ZNF423: variants seen among roughly 807,000 people sequenced by gnomAD.
ZNF423 encodes the protein Ebf-associated zinc finger protein.
A neutral mutation model predicts 95.8 loss-of-function variants in ZNF423; 12 were observed. That is an observed-to-expected ratio of 0.13 (90% CI 0.08 to 0.20). The LOEUF (loss-of-function observed/expected upper bound fraction) is 0.20. ZNF423 is among the 10% of genes least tolerant of loss of function. ZNF423 has a pLI of 1.00. For synonymous variants in ZNF423, 749 were observed against 711.9 expected (o/e 1.05, Z -0.83); for missense variants, 1,316 against 1,737.1 (o/e 0.76, Z 4.31).
At chr16:49,852,551 G>T (rs1400379886) in intron 1 of ZNF423, among the ~76,000 whole-genome samples, 1 of 152,020 alleles carries the variant, frequency 6.6e-6, no homozygotes, top group Non-Finnish European at 1.5e-5. Context: ...GATGAGAACA[G>T]CCCGGGAAAA....
In ZNF423 at chr16:49,636,609, A is replaced by G. The variant is rs1596759188; in HGVS notation, c.2567T>C (p.Met856Thr). Residue 856 changes from methionine (M) to threonine (T), a missense_variant, in exon 4 of 8, where the codon ATG becomes ACG. By Grantham distance (81) the Met-to-Thr change is moderately conservative. Around this residue, in one of 6 missense-constraint regions of ZNF423, gnomAD observed 620 missense variants for 775.6 expected, o/e 0.80. Transcript: ENST00000563137. The surrounding 1 kb of genome is among the most constrained non-coding windows in gnomAD (Gnocchi z 8.6). Reference sequence around the variant, plus strand: ...AGCAGGCTCAGCTTTCTTGGTGGCCATTGGGGGTACCCCATTGGCCGTGCC... The same window carrying G: ...AGCAGGCTCAGCTTTCTTGGTGGCCGTTGGGGGTACCCCATTGGCCGTGCC... ...ENGTANGVPP[M>T]ATKKAEPADL... is the part of the protein sequence containing the mutation. 1.2e-6 allele frequency: 2 copies of G among 1,613,646 alleles called. No homozygotes were observed. Among genetic ancestry groups the G allele is most frequent in the Middle Eastern group, 1.7e-4 (1 of 6,058 alleles).
chr16:49,744,462 G>C (rs1053980840), intron 2 of ZNF423, among the ~76,000 whole-genome samples: 2 of 151,406 alleles, frequency 1.3e-5, no homozygotes, highest in African/African-American at 4.9e-5. Flanking sequence ...CACATGGCCA[G>C]GTGGGGTGTC....
intron 1 of ZNF423, among the ~76,000 whole-genome samples, chr16:49,820,721 C>T (rs182270185): frequency 7.2e-5 from 11 of 152,268 alleles, no homozygotes; most frequent in Admixed American, 3.9e-4. Flanking sequence ...TTAAGAATCT[C>T]GTTTCATTCT....
intron 5 of ZNF423, among the ~76,000 whole-genome samples, chr16:49,597,210 C>T (rs1487859599): frequency 2.0e-5 from 3 of 152,024 alleles, no homozygotes; most frequent in African/African-American, 7.2e-5. Flanking sequence ...AGGGGAAGAT[C>T]AGCCCACAGC....
At chr16:49,755,386 C>T (rs1345857354) in intron 2 of ZNF423, among the ~76,000 whole-genome samples, 2 of 152,200 alleles carry the variant, frequency 1.3e-5, no homozygotes, top group African/African-American at 2.4e-5. Flanking sequence ...TTCCTCCAAA[C>T]CACCTTAATT....
At chr16:49,546,448 T>G (rs1334477441) in intron 5 of ZNF423, among the ~76,000 whole-genome samples, 2 of 152,206 alleles carry the variant, frequency 1.3e-5, no homozygotes, top group East Asian at 1.9e-4. Flanking sequence ...GAGGTAGGAT[T>G]TGATAACTCA....
intron 3 of ZNF423, among the ~76,000 whole-genome samples, chr16:49,662,135 C>T (rs2030268999): frequency 6.6e-6 from 1 of 152,206 alleles, no homozygotes; most frequent in African/African-American, 2.4e-5. Flanking sequence ...TTCTCGCGGG[C>T]ATCCCCAATT....
chr16:49,738,298 G>T (rs2033336049), intron 2 of ZNF423, among the ~76,000 whole-genome samples: 1 of 152,174 alleles, frequency 6.6e-6, no homozygotes, highest in South Asian at 2.1e-4. Flanking sequence ...ATGAATAAAT[G>T]AATGCCCAAG....
intron 3 of ZNF423, among the ~76,000 whole-genome samples, chr16:49,695,242 T>C (rs1300775087): frequency 6.6e-6 from 1 of 152,226 alleles, no homozygotes; most frequent in Non-Finnish European, 1.5e-5. Flanking sequence ...ACCTCCCAAG[T>C]AGCTGGCATT....
At chr16:49,843,827 G>A (rs2035215956) in intron 1 of ZNF423, among the ~76,000 whole-genome samples, 2 of 151,754 alleles carry the variant, frequency 1.3e-5, no homozygotes, top group South Asian at 4.2e-4. Flanking sequence ...CTGTTCCTAG[G>A]GCAGACCACC....
chr16:49,672,643 C>G (rs1232333334), intron 3 of ZNF423, among the ~76,000 whole-genome samples: 1 of 152,146 alleles, frequency 6.6e-6, no homozygotes, highest in South Asian at 2.1e-4. Context: ...ATGGCGAAAC[C>G]TGTCTCTACT....
chr16:49,660,270 T>C (rs1337830232), intron 3 of ZNF423, among the ~76,000 whole-genome samples: 1 of 152,116 alleles, frequency 6.6e-6, no homozygotes, highest in East Asian at 1.9e-4. Context: ...AACTGTGGCA[T>C]GAATAAATGA....
intron 5 of ZNF423, among the ~76,000 whole-genome samples, chr16:49,617,602 T>C (rs1234239684): frequency 6.6e-6 from 1 of 152,132 alleles, no homozygotes; most frequent in African/African-American, 2.4e-5. Flanking sequence ...CCATCCTTCC[T>C]CTTCCCCTCC....
At chr16:49,718,458 C>T (rs1284078647) in intron 3 of ZNF423, among the ~76,000 whole-genome samples, 1 of 152,116 alleles carries the variant, frequency 6.6e-6, no homozygotes, top group Non-Finnish European at 1.5e-5. Flanking sequence ...TGCTGTGGTT[C>T]TAAGGAACAC....
intron 3 of ZNF423, among the ~76,000 whole-genome samples, chr16:49,688,998 T>A (rs1034002532): frequency 6.6e-6 from 1 of 152,294 alleles, no homozygotes; most frequent in East Asian, 1.9e-4. Context: ...CGAGACAGCA[T>A]ACCAGGCACC....
In ZNF423 at chr16:49,638,477, A is replaced by G; in HGVS notation, c.699T>C (p.Thr233=). 6.2e-7 allele frequency: 1 copy of G among 1,613,766 alleles called. No individual in the cohort carries two copies. The part of the protein sequence containing the change: ...THSSSKPFKC[T]VCKRGFSSTS... Reference sequence around the variant, plus strand: ...TGGAGGAGAAGCCGCGCTTGCACACAGTGCACTTGAAGGGCTTGCTGGAGC... The same window carrying G: ...TGGAGGAGAAGCCGCGCTTGCACACGGTGCACTTGAAGGGCTTGCTGGAGC... Residue 233 remains threonine (T), a synonymous_variant, in exon 4 of 8, where the codon ACT becomes ACC. Transcript: ENST00000563137. The surrounding 1 kb of genome is among the most constrained non-coding windows in gnomAD (Gnocchi z 5.6).
At chr16:49,837,363 C>T (rs1461484912) in intron 1 of ZNF423, among the ~76,000 whole-genome samples, 1 of 152,178 alleles carries the variant, frequency 6.6e-6, no homozygotes, top group Admixed American at 6.5e-5. Context: ...GACAACCCCT[C>T]CCCAGACCCC....
intron 7 of ZNF423, among the ~76,000 whole-genome samples, chr16:49,499,467 C>G (rs1349548715): frequency 1.3e-5 from 2 of 152,208 alleles, no homozygotes; most frequent in Admixed American, 6.5e-5. Context: ...CTGCAGCTTC[C>G]TTGCCGAACC....
At chr16:49,621,149 G>A (rs377396302) in intron 5 of ZNF423, among the ~76,000 whole-genome samples, 21 of 152,278 alleles carry the variant, frequency 1.4e-4, no homozygotes, top group African/African-American at 3.8e-4. Context: ...GGGAAAGGGC[G>A]ACTGGGCAGA....
Sources: gnomAD v4.1 joint callset for allele counts (sites outside exome capture counted in the v4.1 genomes callset) on GRCh38, gnomAD v4.1.1 for gene constraint, gnomAD v4.1.1 regional missense constraint, Gnocchi (gnomAD v3.1) non-coding constraint, MANE v1.5 for transcripts, NCBI Gene and HGNC (gene_info 2026-07-23, HGNC 2026-07-21) for gene names.